Variants in KIT observed in about 807,000 individuals in gnomAD.
The protein encoded by KIT is KIT proto-oncogene, receptor tyrosine kinase.
Under a neutral mutation model 105.7 loss-of-function variants are expected in KIT, and 16 were observed. The observed-to-expected ratio is 0.15, with a 90% confidence interval of 0.10 to 0.23. The LOEUF (loss-of-function observed/expected upper bound fraction) is 0.23, where lower values mean the gene tolerates loss of function less well. Among genes scored for constraint, KIT ranks in the 10% least tolerant of loss-of-function variants. KIT has a pLI of 1.00. For missense variants in KIT, 858 were observed against 1,213.8 expected (o/e 0.71, Z 4.36); for synonymous variants, 438 against 441.1 (o/e 0.99, Z 0.09).
In KIT at chr4:54,739,501, G is replaced by C. The variant is rs55799920; in HGVS notation, c.*944G>C. ...CTTCAGAATGGCATTGTACTCAATG[G>C]ATTTGATGCTGTTTGACAAAGTTAC... On this transcript the variant is annotated 3_prime_UTR_variant, in exon 21 of 21. Coordinates refer to ENST00000288135, the MANE Select transcript of KIT (RefSeq NM_000222.3). 8.6e-6 allele frequency: 2 copies of C among 233,424 alleles called. No homozygotes were observed. The highest frequency in any genetic ancestry group is 1.2e-4 in the East Asian group (2 of 16,568). The allele number at this position is 233,424 out of a possible 1,614,324, so 14.5% of individuals were successfully genotyped here.
At chr4:54,692,454 T>C (rs1397160627) in intron 1 of KIT, among the ~76,000 whole-genome samples, 2 of 152,186 alleles carry the variant, frequency 1.3e-5, no homozygotes, top group African/African-American at 4.8e-5. Context: ...TGGCCTGGTG[T>C]GTCTCAGGAA....
chr4:54,720,841 T>TG (rs1199356168), intron 7 of KIT, among the ~76,000 whole-genome samples: 2 of 152,156 alleles, frequency 1.3e-5, no homozygotes, highest in African/African-American at 4.8e-5. Flanking sequence ...TTGTGTAGAC[T>TG]GGTCCCACTC....
intron 1 of KIT, among the ~76,000 whole-genome samples, chr4:54,673,141 T>C (rs1016638823): frequency 6.6e-6 from 1 of 152,114 alleles, no homozygotes; most frequent in African/African-American, 2.4e-5. Flanking sequence ...AGGTTGATTA[T>C]TTTTTTTCCA....
chr4:54,720,380 G>C (rs1721790329), intron 7 of KIT, among the ~76,000 whole-genome samples: 1 of 152,296 alleles, frequency 6.6e-6, no homozygotes, highest in South Asian at 2.1e-4. Flanking sequence ...GGAACAAGTA[G>C]GCCAGCCAGA....
At chr4:54,721,454 A>G (rs1176199631) in intron 7 of KIT, among the ~76,000 whole-genome samples, 1 of 152,238 alleles carries the variant, frequency 6.6e-6, no homozygotes, top group East Asian at 1.9e-4. Flanking sequence ...TGCTTTCGCA[A>G]GACGATGGCT....
chr4:54,674,102 A>G (rs535199230), intron 1 of KIT, among the ~76,000 whole-genome samples: 1 of 152,282 alleles, frequency 6.6e-6, no homozygotes, highest in East Asian at 1.9e-4. Flanking sequence ...GGTAATAAAA[A>G]TATGAACTCT....
At chr4:54,704,100 A>T (rs1720634283) in intron 5 of KIT, among the ~76,000 whole-genome samples, 2 of 152,248 alleles carry the variant, frequency 1.3e-5, no homozygotes. Context: ...GAAAGCTGTT[A>T]CTAAAATTGT....
chr4:54,727,328 A>G lies in KIT; in HGVS notation c.1647+4A>G, dbSNP rs770472485. 1 of 1,613,468 alleles carries G rather than the reference A, an allele frequency of 6.2e-7. No individual in the cohort carries two copies. The highest frequency in any genetic ancestry group is 8.5e-7 in the Non-Finnish European group (1 of 1,179,354). ...TCTGACCTACAAATATTTACAGGTA[A>G]CCATTTATTTGTTCTCTCTCCAGAG... On this transcript the variant is annotated splice_donor_region_variant and intron_variant, in intron 10 of 20. Coordinates refer to ENST00000288135, the MANE Select transcript of KIT (RefSeq NM_000222.3).
At chr4:54,724,756 T>TA (rs561488432) in intron 8 of KIT, among the ~76,000 whole-genome samples, 2,308 of 141,766 alleles carry the variant, frequency 0.016, 30 homozygotes, top group South Asian at 0.061. Context: ...GCTGATGAGC[T>TA]AAAAAAAAAA....
chr4:54,665,494 G>T (rs1221508076), intron 1 of KIT, among the ~76,000 whole-genome samples: 1 of 152,164 alleles, frequency 6.6e-6, no homozygotes, highest in African/African-American at 2.4e-5. Context: ...GCTTTGGAAA[G>T]AAAGCGCCCT....
At chr4:54,678,006 A>G (rs934243046) in intron 1 of KIT, among the ~76,000 whole-genome samples, 1 of 152,152 alleles carries the variant, frequency 6.6e-6, no homozygotes, top group Non-Finnish European at 1.5e-5. Flanking sequence ...ACGTTGATTG[A>G]TGTGTGGTTT....
chr4:54,703,734 A>G lies in KIT; in HGVS notation c.767A>G (p.Gln256Arg). The G allele has an allele frequency of 1.9e-6, 3 of 1,613,576 alleles. No homozygotes were observed. Among genetic ancestry groups the G allele is most frequent in the Non-Finnish European group, 2.5e-6 (3 of 1,179,536 alleles). The change falls in exon 5 of 21, where the codon CAG becomes CGG. Residue 256 changes from glutamine (Q) to arginine (R), a missense_variant. Gln to Arg is a conservative substitution (Grantham distance 43). Around this residue, in one of 7 missense-constraint regions of KIT, gnomAD observed 401 missense variants for 601.0 expected, o/e 0.67. Transcript: ENST00000288135. ...TTCTGAAACCAGCAGACTAAACTAC[A>G]GGAGAAATATAATAGCTGGCATCAC... ...WKRENSQTKL[Q>R]EKYNSWHHGD...
chr4:54,721,805 A>G (rs767387264), intron 7 of KIT, among the ~76,000 whole-genome samples: 3 of 152,164 alleles, frequency 2.0e-5, no homozygotes, highest in Non-Finnish European at 2.9e-5. Flanking sequence ...CAGTTGCAAT[A>G]TAATTGATGT....
chr4:54,688,006 A>G (rs1288545359), intron 1 of KIT, among the ~76,000 whole-genome samples: 1 of 152,140 alleles, frequency 6.6e-6, no homozygotes, highest in Non-Finnish European at 1.5e-5. Context: ...TGAGCTCCCC[A>G]TAGTAGAACA....
Position 54,707,393 on chromosome 4 carries a change from A to G in KIT, c.1115+106A>G. 7 of 829,220 alleles carry G rather than the reference A, an allele frequency of 8.4e-6. No homozygotes were observed. The South Asian group carries it at 1.0e-4, about 12-fold the overall frequency. The allele number at this position is 829,220 out of a possible 1,614,324, so 51.4% of individuals were successfully genotyped here. A position where few individuals can be genotyped will look rare whatever the true frequency, so the allele number is the denominator to read the frequency against. On this transcript the variant is annotated intron_variant, in intron 6 of 20. Coordinates refer to ENST00000288135, the MANE Select transcript of KIT (RefSeq NM_000222.3). ...GTAAATCCACGAGAAGATACCTGGTAAAGAAGAAAGTCTGGGGCTGCCTCC... is the reference window on the plus strand; with the variant it reads ...GTAAATCCACGAGAAGATACCTGGTGAAGAAGAAAGTCTGGGGCTGCCTCC...
At chr4:54,667,668 G>C (rs776931166) in intron 1 of KIT, among the ~76,000 whole-genome samples, 3 of 152,140 alleles carry the variant, frequency 2.0e-5, no homozygotes, top group Non-Finnish European at 2.9e-5. Flanking sequence ...AGATGAGATG[G>C]GATAATTTTT....
chr4:54,737,476 A>G (rs1722991452), intron 20 of KIT, among the ~76,000 whole-genome samples, 196 bp downstream of exon 20: 1 of 152,180 alleles, frequency 6.6e-6, no homozygotes, highest in Non-Finnish European at 1.5e-5. Flanking sequence ...TCTGAGCCAA[A>G]GAAGGATGTG....
At chr4:54,730,695 A>G (rs1425672440) in intron 14 of KIT, among the ~76,000 whole-genome samples, 1 of 152,098 alleles carries the variant, frequency 6.6e-6, no homozygotes, top group Non-Finnish European at 1.5e-5. Context: ...TTGGGATCCC[A>G]TATGGGATTG....
In KIT at chr4:54,738,480, G is replaced by A. The variant is rs1578009883; in HGVS notation, c.2854G>A (p.Asp952Asn). The change falls in exon 21 of 21, where the codon GAC becomes AAC. Residue 952 changes from aspartate (D) to asparagine (N), a missense_variant. By Grantham distance (23) the Asp-to-Asn change is conservative. This residue lies in a region of KIT where 105 missense variants were observed against 103.5 expected (regional missense o/e 1.01). Transcript: ENST00000288135. Reference sequence around the variant, plus strand: ...CCCCAACCGACAGAAGCCCGTGGTAGACCATTCTGTGCGGATCAATTCTGT... The same window carrying A: ...CCCCAACCGACAGAAGCCCGTGGTAAACCATTCTGTGCGGATCAATTCTGT... ...CSPNRQKPVV[D>N]HSVRINSVGS... 6.2e-7 allele frequency: 1 copy of A among 1,614,094 alleles called. No individual in the cohort carries two copies. The highest frequency in any genetic ancestry group is 8.5e-7 in the Non-Finnish European group (1 of 1,179,982).
Sources: allele counts gnomAD v4.1 joint callset (sites outside exome capture counted in the v4.1 genomes callset), GRCh38; gene constraint gnomAD v4.1.1; regional missense constraint gnomAD v4.1.1; transcripts MANE v1.5; gene names NCBI Gene and HGNC (gene_info 2026-07-23, HGNC 2026-07-21).